TNC: variants seen among roughly 807,000 people sequenced by gnomAD.
TNC encodes tenascin C.
Under a neutral mutation model 202.4 loss-of-function variants are expected in TNC, and 109 were observed. The observed-to-expected ratio is 0.54, with a 90% CI of 0.46 to 0.63. The LOEUF (loss-of-function observed/expected upper bound fraction) is 0.63, where lower values mean the gene tolerates loss of function less well. TNC is among the 30% of genes least tolerant of loss of function. The pLI is 0.00. For missense variants in TNC, 2,756 were observed against 2,833.3 expected (o/e 0.97, Z 0.62); for synonymous variants, 1,007 against 1,089.7 (o/e 0.92, Z 1.50).
chr9:115,052,409 GT>G (rs2132298389), intron 15 of TNC, among the ~76,000 whole-genome samples: 1 of 151,756 alleles, frequency 6.6e-6, no homozygotes, highest in East Asian at 1.9e-4. Context: ...ACTGGCCATA[GT>G]TAATAATAAC....
chr9:115,101,863 C>G (rs1226058457), intron 1 of TNC, among the ~76,000 whole-genome samples: 2 of 152,016 alleles, frequency 1.3e-5, no homozygotes, highest in African/African-American at 4.8e-5. Context: ...ATTACAATCA[C>G]CAAATAGTGG....
At chr9:115,071,900 C>T (rs1438715926) in intron 10 of TNC, among the ~76,000 whole-genome samples, 1 of 152,130 alleles carries the variant, frequency 6.6e-6, no homozygotes, top group Non-Finnish European at 1.5e-5. Flanking sequence ...CTATCCCCGC[C>T]CCCCACCTTA....
In TNC at chr9:115,077,926, AGG is replaced by A; in HGVS notation, c.2674+15_2674+16del. On this transcript the variant is annotated intron_variant, in intron 7 of 27. Transcript: ENST00000350763. ...TCTTTCCTTTACTATATCTGTTAAC[AGG>A]GGGAGGCCTTTTACCTGTTGTGAAG... 1 of 1,610,194 alleles carries A rather than the reference AGG, an allele frequency of 6.2e-7. No individual in the cohort carries two copies. The highest frequency in any genetic ancestry group is 8.5e-7 in the Non-Finnish European group (1 of 1,177,062).
intron 15 of TNC, among the ~76,000 whole-genome samples, chr9:115,053,265 AAAC>A (rs1831847270): frequency 6.6e-6 from 1 of 152,232 alleles, no homozygotes; most frequent in Admixed American, 6.5e-5. Flanking sequence ...TTTAAAGCAT[AAAC>A]ACCACCATTT....
chr9:115,081,675 G>T, intron 6 of TNC, 97 bp downstream of exon 6: 1 of 1,309,660 alleles, frequency 7.6e-7, no homozygotes, highest in Non-Finnish European at 1.1e-6. Context: ...AAAGTTAAAT[G>T]ATGTAGATGC....
At chr9:115,060,671 T>G (rs1282851075) in intron 13 of TNC, among the ~76,000 whole-genome samples, 1 of 152,232 alleles carries the variant, frequency 6.6e-6, no homozygotes, top group East Asian at 1.9e-4. Context: ...ATTAGAAAGA[T>G]TATCTCATCA....
rs1192573072 is a variant in TNC, at chr9:115,087,242, A to G, written c.489T>C (p.Gly163=). 2 of 1,614,020 alleles carry G rather than the reference A, an allele frequency of 1.2e-6. No homozygotes were observed. The highest frequency in any genetic ancestry group is 1.7e-6 in the Non-Finnish European group (2 of 1,180,018). ...GRLDTRPFCS[G]RGNFSTEGCG... is the part of the protein sequence containing the mutation. Reference sequence around the variant, plus strand: ...ATCCTTCAGTGCTGAAGTTGCCCCGACCGCTACAGAAGGGCCTGGTGTCCA... The same window carrying G: ...ATCCTTCAGTGCTGAAGTTGCCCCGGCCGCTACAGAAGGGCCTGGTGTCCA... The change falls in exon 3 of 28, where the codon GGT becomes GGC. Residue 163 remains glycine (G), a synonymous_variant. Coordinates refer to ENST00000350763, the MANE Select transcript of TNC (RefSeq NM_002160.4).
intron 10 of TNC, among the ~76,000 whole-genome samples, chr9:115,068,079 A>G (rs1338952539): frequency 1.3e-5 from 2 of 152,220 alleles, no homozygotes; most frequent in Non-Finnish European, 2.9e-5. Flanking sequence ...ACAGTGGACA[A>G]TAGTTGAGAT....
intron 1 of TNC, among the ~76,000 whole-genome samples, chr9:115,102,392 A>G (rs2134065821): frequency 6.6e-6 from 1 of 152,342 alleles, no homozygotes; most frequent in Admixed American, 6.5e-5. Context: ...GCAAGCTGAC[A>G]GATACATTTG....
rs750137926 is a variant in TNC at position 115,062,969 on chromosome 9, G to A, written c.3981C>T (p.His1327=). 2.7e-5 allele frequency: 44 copies of A among 1,613,998 alleles called. No individual in the cohort carries two copies. The highest frequency in any genetic ancestry group is 2.5e-4 in the East Asian group (11 of 44,864). ...RAGTPYTVTL[H]GEVRGHSTRP... Reference sequence around the variant, plus strand: ...GAGTGCTGTGGCCCCTGACCTCGCCGTGCAGGGTGACTGTGTAAGGAGTGC... The same window carrying A: ...GAGTGCTGTGGCCCCTGACCTCGCCATGCAGGGTGACTGTGTAAGGAGTGC... The change falls in exon 13 of 28, where the codon CAC becomes CAT. Residue 1327 remains histidine, a synonymous_variant. Coordinates refer to ENST00000350763, the MANE Select transcript of TNC (RefSeq NM_002160.4).
Position 115,076,444 on chromosome 9 carries a change from C to A in TNC, c.2806G>T (p.Ala936Ser), listed in dbSNP as rs766905487. Reference protein sequence around the residue: ...KYAPISGGDHAEVDVPKSQQA... With the variant: ...KYAPISGGDHSEVDVPKSQQA... ...TGGCTCTTTGGAACATCAACCTCAG[C>A]GTGGTCCCCTCCAGAGATGGGGGCA... The change falls in exon 8 of 28, where the codon GCT (alanine) becomes TCT (serine). Residue 936 changes from alanine to serine, a missense_variant. By Grantham distance (99) the Ala-to-Ser change is moderately conservative. This residue lies in a region of TNC where 2,559 missense variants were observed against 2,546.0 expected (regional missense o/e 1.01). Coordinates refer to ENST00000350763, the MANE Select transcript of TNC (RefSeq NM_002160.4). The A allele has an allele frequency of 1.2e-6, 2 of 1,614,164 alleles. No homozygotes were observed. Among genetic ancestry groups the A allele is most frequent in the Non-Finnish European group, 1.7e-6 (2 of 1,180,034 alleles).
chr9:115,020,225 T>C lies in TNC; in HGVS notation c.*932A>G, dbSNP rs1192412396. The C allele has an allele frequency of 2.7e-5, 4 of 149,886 alleles. No individual in the cohort carries two copies. 9.3% of individuals were successfully genotyped at this position (149,886 alleles called of 1,614,324 possible). A position where few individuals can be genotyped will look rare whatever the true frequency, so the allele number is the denominator to read the frequency against. ...TTGCCTAATTAAATTTTTTTTTTTT[T>C]TTTTTTCTGTAGAGACAAGTTCTCA... On this transcript the variant is annotated 3_prime_UTR_variant, in exon 28 of 28. Transcript: ENST00000350763.
At chr9:115,081,476 G>C (rs1277468109) in intron 6 of TNC, among the ~76,000 whole-genome samples, 1 of 152,102 alleles carries the variant, frequency 6.6e-6, no homozygotes, top group Non-Finnish European at 1.5e-5. Context: ...AGAATGAGAG[G>C]CTCTGCGAAA....
chr9:115,079,983 G>A (rs958378357), intron 6 of TNC, among the ~76,000 whole-genome samples: 3 of 152,168 alleles, frequency 2.0e-5, no homozygotes, highest in South Asian at 2.1e-4. Context: ...AATTGTGGCC[G>A]GCCGTGGCGG....
intron 15 of TNC, among the ~76,000 whole-genome samples, chr9:115,050,214 A>T (rs1424009252): frequency 2.0e-5 from 3 of 152,206 alleles, no homozygotes; most frequent in Non-Finnish European, 2.9e-5. Context: ...TTAGGCAATC[A>T]AGGGCTTGTT....
intron 9 of TNC, among the ~76,000 whole-genome samples, 178 bp from the exon 10 acceptor site, chr9:115,074,044 T>C (rs1833662959): frequency 6.6e-6 from 1 of 152,166 alleles, no homozygotes; most frequent in Non-Finnish European, 1.5e-5. Context: ...GGTCTAATTA[T>C]ACATCACCCA....
Position 115,090,574 on chromosome 9 carries a change from GGAGACAGCAGC to G in TNC, c.434_444del (p.Gly145AlafsTer14). 1 of 1,573,536 alleles carries G rather than the reference GGAGACAGCAGC, an allele frequency of 6.4e-7. No individual in the cohort carries two copies. The highest frequency in any genetic ancestry group is 1.2e-5 in the South Asian group (1 of 83,744). On this transcript the variant is annotated frameshift_variant, in exon 2 of 28. Coordinates refer to ENST00000350763, the MANE Select transcript of TNC (RefSeq NM_002160.4). LOFTEE classifies it high-confidence loss of function. ...CACCAGCTCATACCTGTGGCAGGCT[GGAGACAGCAGC>G]CTGCTCCTGCAGTACATTGCTCCCT...
chr9:115,052,790 G>T (rs930891002), intron 15 of TNC: 27 of 702,488 alleles, frequency 3.8e-5, no homozygotes, highest in Non-Finnish European at 6.2e-5. Context: ...AGCCAAGGTG[G>T]TTCCTGCCAC....
intron 1 of TNC, chr9:115,114,984 C>T (rs1837357586): frequency 6.6e-6 from 1 of 152,134 alleles, no homozygotes; most frequent in South Asian, 2.1e-4. Flanking sequence ...TTCGAGCCAA[C>T]TAAATGTTTG....
Sources: gnomAD v4.1 joint callset for allele counts (sites outside exome capture counted in the v4.1 genomes callset) on GRCh38, gnomAD v4.1.1 for gene constraint, gnomAD v4.1.1 regional missense constraint, MANE v1.5 for transcripts, NCBI Gene and HGNC (gene_info 2026-07-23, HGNC 2026-07-21) for gene names.